Variants in CNOT4 observed in about 807,000 individuals in gnomAD.
CNOT4 encodes CCR4-associated factor 4.
CNOT4 carries 8 observed loss-of-function variants against 73.8 expected under a neutral mutation model. The observed-to-expected ratio is 0.11, with a 90% CI of 0.06 to 0.20. The LOEUF (loss-of-function observed/expected upper bound fraction) is 0.20. CNOT4 is among the 10% of genes least tolerant of loss of function. The probability of loss-of-function intolerance (pLI) is 1.00; values close to 1 mark genes in which losing one functional copy is unlikely to be tolerated. For missense variants in CNOT4, 564 were observed against 883.4 expected (o/e 0.64, Z 4.58); for synonymous variants, 293 against 321.1 (o/e 0.91, Z 0.94).
chr7:135,422,711 A>C (rs1798259363), intron 2 of CNOT4, among the ~76,000 whole-genome samples: 1 of 152,196 alleles, frequency 6.6e-6, no homozygotes. Context: ...AAGTTCTTGC[A>C]TCTAAATGTG....
At chr7:135,407,926 T>C (rs762536029) in intron 7 of CNOT4, among the ~76,000 whole-genome samples, 7 of 152,248 alleles carry the variant, frequency 4.6e-5, no homozygotes, top group Non-Finnish European at 7.3e-5. Flanking sequence ...TTCAGATCTC[T>C]GTAACTCATA....
chr7:135,457,711 C>T (rs2551765), intron 1 of CNOT4, among the ~76,000 whole-genome samples: 94,290 of 151,826 alleles, frequency 0.62, 29,734 homozygotes, highest in East Asian at 0.76. Flanking sequence ...AGGGAAATTA[C>T]TTAACTTCAT....
intron 7 of CNOT4, among the ~76,000 whole-genome samples, chr7:135,404,376 A>T (rs1442811662): frequency 1.8e-4 from 27 of 152,140 alleles, no homozygotes; most frequent in Non-Finnish European, 1.9e-4. Flanking sequence ...TAATCTATCT[A>T]GAAGTATCAG....
At chr7:135,479,156 T>C (rs554273529) in intron 1 of CNOT4, among the ~76,000 whole-genome samples, 2 of 151,814 alleles carry the variant, frequency 1.3e-5, no homozygotes, top group Non-Finnish European at 2.9e-5. Flanking sequence ...ATTTTAAAAG[T>C]TGCACCAATC....
chr7:135,414,844 CTA>C (rs1392279484), intron 4 of CNOT4, among the ~76,000 whole-genome samples: 1 of 152,080 alleles, frequency 6.6e-6, no homozygotes, highest in Non-Finnish European at 1.5e-5. Context: ...AACAAAGACA[CTA>C]TTAAGTTTTC....
At chr7:135,385,003 C>A (rs1047731209) in intron 10 of CNOT4, among the ~76,000 whole-genome samples, 1 of 151,940 alleles carries the variant, frequency 6.6e-6, no homozygotes, top group African/African-American at 2.4e-5. Flanking sequence ...AGCTCTTACG[C>A]TTTCCAATTT....
intron 1 of CNOT4, among the ~76,000 whole-genome samples, chr7:135,473,477 G>T (rs550290502): frequency 1.3e-5 from 2 of 152,162 alleles, no homozygotes; most frequent in East Asian, 3.9e-4. Context: ...GCCTGGCGTG[G>T]TGGCTCACAC....
In CNOT4 at chr7:135,372,620, G is replaced by A. The variant is rs538364026; in HGVS notation, c.1628-8554C>T. ...CGCTCAGCCTGGAGGGCAATGGTGCGACCTCGGCTCACTGCAACCTCTGCC... is the reference window on the plus strand; with the variant it reads ...CGCTCAGCCTGGAGGGCAATGGTGCAACCTCGGCTCACTGCAACCTCTGCC... On this transcript the variant is annotated intron_variant, in intron 10 of 11. Transcript: ENST00000541284. 1.9e-4 allele frequency among the ~76,000 whole-genome samples: 29 copies of A among 150,022 alleles called. 1 individual carries two copies. Among genetic ancestry groups the A allele is most frequent in the South Asian group, 1.9e-3 (9 of 4,766 alleles).
intron 1 of CNOT4, among the ~76,000 whole-genome samples, chr7:135,479,515 A>G (rs1297124111): frequency 6.6e-6 from 1 of 151,924 alleles, no homozygotes. Context: ...ATCCAGAACC[A>G]AGTATTTTAA....
At chr7:135,444,562 A>C in intron 1 of CNOT4, 1 of 1,361,818 alleles carries the variant, frequency 7.3e-7, no homozygotes, top group Non-Finnish European at 1.1e-6. Flanking sequence ...TTTCTTCAGG[A>C]CCGACCTATC....
chr7:135,394,199 G>A lies in CNOT4; in HGVS notation c.1346C>T (p.Pro449Leu). 6.2e-7 allele frequency: 1 copy of A among 1,614,208 alleles called. No homozygotes were observed. The highest frequency in any genetic ancestry group is 8.5e-7 in the Non-Finnish European group (1 of 1,180,024). ...AGCAGGATGCAGGAATCCAGAGCCT[G>A]GACCTTTGGCGGTTGTAGTGTGTGA... ...SSSHTTTAKG[P>L]GSGFLHPAAA... The change falls in exon 10 of 12, where the codon CCA becomes CTA. Residue 449 changes from proline (P) to leucine (L), a missense_variant. By Grantham distance (98) the Pro-to-Leu change is moderately conservative (BLOSUM62 -3). Transcript: ENST00000541284.
intron 7 of CNOT4, among the ~76,000 whole-genome samples, chr7:135,405,406 G>A (rs1353534259): frequency 1.3e-5 from 2 of 152,116 alleles, no homozygotes; most frequent in Non-Finnish European, 2.9e-5. Context: ...ACTGTCTTGG[G>A]CACAGCAGCC....
At chr7:135,477,646 TC>T (rs1229221909) in intron 1 of CNOT4, among the ~76,000 whole-genome samples, 1 of 152,210 alleles carries the variant, frequency 6.6e-6, no homozygotes, top group Non-Finnish European at 1.5e-5. Context: ...ACTTCATTCT[TC>T]TTCATGGCTG....
Position 135,375,016 on chromosome 7 carries a change from TC to T in CNOT4, c.1628-10951del, listed in dbSNP as rs1415745868. ...TAGCAATTGTGTGACCTTAGGCAAA[TC>T]ACGAATGATAACCACTCTGCTTCTC... On this transcript the variant is annotated intron_variant, in intron 10 of 11. Transcript: ENST00000541284. Among the ~76,000 whole-genome samples, 2 of 152,176 alleles carry T rather than the reference TC, an allele frequency of 1.3e-5. 1 individual carries two copies. The highest frequency in any genetic ancestry group is 3.8e-4 in the East Asian group (2 of 5,198).
chr7:135,388,103 T>C (rs746210908), intron 10 of CNOT4: 21 of 984,260 alleles, frequency 2.1e-5, no homozygotes, highest in Non-Finnish European at 2.3e-5. Context: ...CCTGGTATAC[T>C]AGGCAGTGCA....
intron 7 of CNOT4, among the ~76,000 whole-genome samples, chr7:135,405,489 C>A (rs1797229399): frequency 6.6e-6 from 1 of 152,076 alleles, no homozygotes; most frequent in Non-Finnish European, 1.5e-5. Flanking sequence ...TTTCAAAGCC[C>A]CAAACTTAAA....
At chr7:135,381,989 G>A (rs1054961963) in intron 10 of CNOT4, among the ~76,000 whole-genome samples, 1 of 152,136 alleles carries the variant, frequency 6.6e-6, no homozygotes, top group African/African-American at 2.4e-5. Context: ...TAGAATAAAG[G>A]TAAAGTGGGC....
chr7:135,448,341 G>A (rs142492760), intron 1 of CNOT4, among the ~76,000 whole-genome samples: 2,188 of 152,046 alleles, frequency 0.014, 54 homozygotes, highest in African/African-American at 0.05. Context: ...TCAGGAGTTC[G>A]AGACCAGCCT....
At position 135,395,722 on chromosome 7, in the gene CNOT4, G is replaced by T; in HGVS notation, c.1041C>A (p.Ile347=). 1 of 1,613,770 alleles carries T rather than the reference G, an allele frequency of 6.2e-7. No homozygotes were observed. The highest frequency in any genetic ancestry group is 8.5e-7 in the Non-Finnish European group (1 of 1,179,822). Residue 347 remains isoleucine (I), a synonymous_variant, in exon 9 of 12, where the codon ATC becomes ATA. Transcript: ENST00000541284. ...FSDNFRHPNP[I]PSGLPPFPSS... ...TGGGGAAAGGAGGAAGCCCACTTGGGATAGGGTTGGGATGGCGAAAATTGT... is the reference window on the plus strand; with the variant it reads ...TGGGGAAAGGAGGAAGCCCACTTGGTATAGGGTTGGGATGGCGAAAATTGT...
Sources: allele counts gnomAD v4.1 joint callset (sites outside exome capture counted in the v4.1 genomes callset), GRCh38; gene constraint gnomAD v4.1.1; transcripts MANE v1.5; gene names NCBI Gene and HGNC (gene_info 2026-07-23, HGNC 2026-07-21).